Variants in PTPRK observed in about 807,000 individuals in gnomAD.
PTPRK encodes protein tyrosine phosphatase receptor type K, also known as receptor-type tyrosine-protein phosphatase kappa.
PTPRK carries 75 observed loss-of-function variants against 178.0 expected under a neutral mutation model. The ratio of observed to expected loss-of-function variants is 0.42; its 90% CI spans 0.35 to 0.51. The LOEUF is 0.51. PTPRK is among the 20% of genes least tolerant of loss of function. The pLI is 0.02. For missense variants in PTPRK, 1,441 were observed against 1,797.8 expected (o/e 0.80, Z 3.59); for synonymous variants, 637 against 620.6 (o/e 1.03, Z -0.39).
chr6:128,095,550 C>T (rs1302943509), intron 7 of PTPRK, among the ~76,000 whole-genome samples: 3 of 152,074 alleles, frequency 2.0e-5, no homozygotes, highest in African/African-American at 7.2e-5. Context: ...AAACTAAGAA[C>T]CCATGACATG....
chr6:128,471,482 T>TG (rs1850644042), intron 1 of PTPRK, among the ~76,000 whole-genome samples: 1 of 150,966 alleles, frequency 6.6e-6, no homozygotes, highest in African/African-American at 2.4e-5. Flanking sequence ...AAGAACAGTT[T>TG]GGGGCAATAG....
intron 3 of PTPRK, among the ~76,000 whole-genome samples, chr6:128,257,687 A>G (rs1817556527): frequency 6.6e-6 from 1 of 152,214 alleles, no homozygotes; most frequent in African/African-American, 2.4e-5. Flanking sequence ...AATAAGTCTC[A>G]GAAAGGCTTC....
intron 10 of PTPRK, 104 bp from the exon 11 acceptor site, chr6:128,079,022 T>A: frequency 1.6e-6 from 1 of 640,084 alleles, no homozygotes; most frequent in South Asian, 2.6e-5. Flanking sequence ...AAAATTCACC[T>A]AATTATCTAC....
At chr6:128,443,258 A>C (rs1489344426) in intron 1 of PTPRK, among the ~76,000 whole-genome samples, 2 of 152,180 alleles carry the variant, frequency 1.3e-5, no homozygotes, top group Non-Finnish European at 2.9e-5. Flanking sequence ...GATTACTGAA[A>C]CACACAAGTC....
At chr6:128,089,666 T>C in intron 8 of PTPRK, 24 bp downstream of exon 8, 1 of 1,574,448 alleles carries the variant, frequency 6.4e-7, no homozygotes, top group Non-Finnish European at 8.7e-7. Context: ...TTCCCCCCTT[T>C]TAAACAGCAA....
At chr6:128,001,807 G>A (rs1777864833) in intron 15 of PTPRK, among the ~76,000 whole-genome samples, 1 of 151,838 alleles carries the variant, frequency 6.6e-6, no homozygotes, top group African/African-American at 2.4e-5. Context: ...TTATTGTAAG[G>A]AAACTTTTAA....
intron 7 of PTPRK, among the ~76,000 whole-genome samples, chr6:128,093,759 G>T (rs1336387300): frequency 6.6e-6 from 1 of 151,692 alleles, no homozygotes; most frequent in Non-Finnish European, 1.5e-5. Context: ...GAAACATAAA[G>T]AAATTTTATT....
intron 3 of PTPRK, among the ~76,000 whole-genome samples, chr6:128,310,742 G>C (rs1019569128): frequency 5.3e-5 from 8 of 152,150 alleles, no homozygotes; most frequent in African/African-American, 1.9e-4. Context: ...TATTAACTGG[G>C]CTGCATTAAA....
At chr6:128,451,898 T>C (rs1264831984) in intron 1 of PTPRK, among the ~76,000 whole-genome samples, 1 of 152,218 alleles carries the variant, frequency 6.6e-6, no homozygotes, top group Non-Finnish European at 1.5e-5. Flanking sequence ...TGGTTTTCAA[T>C]AGAATTTTTA....
intron 2 of PTPRK, among the ~76,000 whole-genome samples, chr6:128,396,166 T>C (rs866456509): frequency 6.6e-5 from 10 of 151,828 alleles, no homozygotes; most frequent in African/African-American, 2.4e-4. Flanking sequence ...ATGTCTAAAA[T>C]TGTCATATCT....
At chr6:128,174,547 T>C (rs552085765) in intron 7 of PTPRK, among the ~76,000 whole-genome samples, 2 of 152,038 alleles carry the variant, frequency 1.3e-5, no homozygotes, top group African/African-American at 2.4e-5. Flanking sequence ...CTTGTAAATA[T>C]ATATAAATTT....
intron 12 of PTPRK, among the ~76,000 whole-genome samples, chr6:128,065,538 C>T (rs1054750023): frequency 3.3e-5 from 5 of 152,126 alleles, no homozygotes; most frequent in African/African-American, 1.2e-4. Flanking sequence ...CCTGAATACA[C>T]AAGAGGTGAG....
rs1016448783 is a variant in PTPRK at position 127,970,723 on chromosome 6, T to C, written c.4270-443A>G. Among the ~76,000 whole-genome samples the C allele has an allele frequency of 1.2e-4, 19 of 152,156 alleles. 4 individuals are homozygous for C. The highest frequency in any genetic ancestry group is 1.0e-3 in the Admixed American group (16 of 15,278). On this transcript the variant is annotated intron_variant, in intron 29 of 29. Coordinates refer to ENST00000368226, the MANE Select transcript of PTPRK (RefSeq NM_002844.4). ...TTCTTTTTGTGCATGGTTGAAATAA[T>C]TATCTTAGAATAAATATAACTATGT...
At chr6:128,082,248 G>A (rs1008884078) in intron 10 of PTPRK, among the ~76,000 whole-genome samples, 189 bp downstream of exon 10, 3 of 152,058 alleles carry the variant, frequency 2.0e-5, no homozygotes, top group African/African-American at 7.2e-5. Context: ...GACTATTTCA[G>A]ATGTGTTTTG....
intron 2 of PTPRK, among the ~76,000 whole-genome samples, chr6:128,361,569 TACTC>T (rs1442534425): frequency 1.3e-5 from 2 of 152,152 alleles, no homozygotes; most frequent in South Asian, 2.1e-4. Context: ...CATTGAGTGT[TACTC>T]ACACAAACCT....
At chr6:127,997,602 A>G (rs1777305952) in intron 16 of PTPRK, among the ~76,000 whole-genome samples, 1 of 152,054 alleles carries the variant, frequency 6.6e-6, no homozygotes, top group African/African-American at 2.4e-5. Context: ...TGTAAATTTC[A>G]TTTTGCAAAA....
intron 13 of PTPRK, among the ~76,000 whole-genome samples, chr6:128,041,856 G>T (rs1777233500): frequency 6.6e-6 from 1 of 150,838 alleles, no homozygotes; most frequent in Admixed American, 6.6e-5. Flanking sequence ...TGTTGTCTGT[G>T]TATATATAGC....
At chr6:128,311,570 T>C (rs1827250135) in intron 3 of PTPRK, among the ~76,000 whole-genome samples, 1 of 152,186 alleles carries the variant, frequency 6.6e-6, no homozygotes, top group South Asian at 2.1e-4. Flanking sequence ...TTCTCATTTC[T>C]GACCACCTGA....
chr6:128,392,683 G>C (rs926762978), intron 2 of PTPRK, among the ~76,000 whole-genome samples: 3 of 152,010 alleles, frequency 2.0e-5, no homozygotes, highest in African/African-American at 7.2e-5. Flanking sequence ...TATGGGTTCT[G>C]AAAATATATA....
Sources: allele counts gnomAD v4.1 joint callset (sites outside exome capture counted in the v4.1 genomes callset), GRCh38; gene constraint gnomAD v4.1.1; transcripts MANE v1.5; gene names NCBI Gene and HGNC (gene_info 2026-07-23, HGNC 2026-07-21).